Variants in PLEC observed in about 807,000 individuals in gnomAD.
The protein encoded by PLEC is hemidesmosomal protein 1.
A neutral mutation model predicts 392.8 loss-of-function variants in PLEC; 216 were observed. The observed-to-expected ratio is 0.55, with a 90% CI of 0.49 to 0.62. The LOEUF is 0.62. Ranked by LOEUF, PLEC falls within the 20% of genes least tolerant of loss-of-function variation. PLEC has a pLI of 0.00. For missense variants in PLEC, 6,863 were observed against 6,563.4 expected (o/e 1.05, Z -1.58); for synonymous variants, 3,621 against 2,980.6 (o/e 1.21, Z -7.00).
At chr8:143,954,059 G>T, upstream of PLEC, 1 of 616,148 alleles carries the variant, frequency 1.6e-6, no homozygotes, top group South Asian at 2.4e-5. This position sits in a 1 kb window ranked among gnomAD's most constrained non-coding sequence, Gnocchi z 4.6. Context: ...AGGAGCGCTC[G>T]GACGGCCCAC....
rs782005960 is a variant in PLEC, at chr8:143,927,038, G to A, written c.3884C>T (p.Pro1295Leu). 2.2e-5 allele frequency: 36 copies of A among 1,612,342 alleles called. No homozygotes were observed. Among genetic ancestry groups the A allele is most frequent in the Non-Finnish European group, 2.7e-5 (32 of 1,180,006 alleles). ...GGGCTTCTTGGCCGGGGAGGCCACCGGCTCAAGCTGCGCCTTGTACGTCAC... is the reference window on the plus strand; with the variant it reads ...GGGCTTCTTGGCCGGGGAGGCCACCAGCTCAAGCTGCGCCTTGTACGTCAC... ...QLVTYKAQLE[P>L]VASPAKKPKV... The change falls in exon 29 of 32, where the codon CCG becomes CTG. Residue 1295 changes from proline to leucine, a missense_variant. Transcript: ENST00000345136.
In PLEC at chr8:143,924,600, C is replaced by A. The variant is rs1394657236; in HGVS notation, c.5329G>T (p.Glu1777Ter). The change falls in exon 31 of 32, where the codon GAG becomes TAG. Residue 1777 changes from glutamate to a stop codon, truncating the protein, a stop_gained. Transcript: ENST00000345136. LOFTEE classifies it high-confidence loss of function. The part of the protein sequence containing the change: ...LLASKARAEE[E>*]SRSTSEKSKQ... ...GACTTCTCGCTGGTGGAGCGCGACTCCTCCTCAGCCCTCGCCTTGCTGGCC... is the reference window on the plus strand; with the variant it reads ...GACTTCTCGCTGGTGGAGCGCGACTACTCCTCAGCCCTCGCCTTGCTGGCC... 27 of 1,544,224 alleles carry A rather than the reference C, an allele frequency of 1.7e-5. No individual in the cohort carries two copies. Among genetic ancestry groups the A allele is most frequent in the Non-Finnish European group, 2.3e-5 (27 of 1,151,572 alleles).
chr8:143,927,050 G>C lies in PLEC; in HGVS notation c.3872C>G (p.Ala1291Gly). The C allele has an allele frequency of 6.2e-7, 1 of 1,611,986 alleles. No homozygotes were observed. Among genetic ancestry groups the C allele is most frequent in the Non-Finnish European group, 8.5e-7 (1 of 1,179,960 alleles). ...DYELQLVTYK[A>G]QLEPVASPAK... is the part of the protein sequence containing the mutation. Reference sequence around the variant, plus strand: ...CGGGGAGGCCACCGGCTCAAGCTGCGCCTTGTACGTCACCAGCTGGAGTTC... The same window carrying C: ...CGGGGAGGCCACCGGCTCAAGCTGCCCCTTGTACGTCACCAGCTGGAGTTC... The change falls in exon 29 of 32, where the codon GCG (alanine) becomes GGG (glycine). Residue 1291 changes from alanine to glycine, a missense_variant. Coordinates refer to ENST00000345136, the MANE Select transcript of PLEC (RefSeq NM_201384.3).
In PLEC at chr8:143,929,238, C is replaced by T. The variant is rs191154069; in HGVS notation, c.3125G>A (p.Arg1042Gln). ...EVEGLGKGVA[R>Q]LSAEAEKVLA... ...GACCTTCTCGGCCTCGGCAGAGAGC[C>T]GGGCGACCCCCTTGCCCAGCCCCTC... Residue 1042 changes from arginine to glutamine, a missense_variant, in exon 25 of 32, where the codon CGG becomes CAG. Physicochemically the swap from Arg to Gln is conservative, Grantham distance 43. Transcript: ENST00000345136. The T allele has an allele frequency of 2.6e-5, 42 of 1,602,230 alleles. No individual in the cohort carries two copies. Among genetic ancestry groups the T allele is most frequent in the Middle Eastern group, 3.3e-4 (2 of 6,056 alleles).
intron 1 of PLEC, among the ~76,000 whole-genome samples, chr8:143,948,221 G>A (rs1451426233): frequency 6.6e-6 from 1 of 152,236 alleles, no homozygotes; most frequent in Non-Finnish European, 1.5e-5. Context: ...AGCCAGGGCT[G>A]GGTGGAGAGG....
Position 143,934,110 on chromosome 8 carries a change from G to A in PLEC, c.1170-19C>T, listed in dbSNP as rs1486581688. The A allele has an allele frequency of 1.2e-6, 2 of 1,609,246 alleles. No homozygotes were observed. The highest frequency in any genetic ancestry group is 1.7e-6 in the Non-Finnish European group (2 of 1,178,286). Reference sequence around the variant, plus strand: ...CTCCAGCCTGCAGCAGCAGCACAGGGAAGGGGCCGCGTTGGCCGGGTCCGG... The same window carrying A: ...CTCCAGCCTGCAGCAGCAGCACAGGAAAGGGGCCGCGTTGGCCGGGTCCGG... On this transcript the variant is annotated intron_variant, in intron 11 of 31. Transcript: ENST00000345136.
At chr8:143,968,860 T>A (rs1833259596) in intron 1 of PLEC, among the ~76,000 whole-genome samples, 1 of 152,136 alleles carries the variant, frequency 6.6e-6, no homozygotes, top group East Asian at 1.9e-4. Flanking sequence ...TAACAAGTGT[T>A]GGTGAGGATG....
chr8:143,933,978 C>T lies in PLEC; in HGVS notation c.1263+20G>A. ...CCTCCGGCCTCCCTCCCGCCCACTG[C>T]CTGCCCCACACCCCCTCACCGACTG... On this transcript the variant is annotated intron_variant, in intron 12 of 31. Coordinates refer to ENST00000345136, the MANE Select transcript of PLEC (RefSeq NM_201384.3). The T allele has an allele frequency of 1.3e-6, 2 of 1,592,192 alleles. No individual in the cohort carries two copies. Among genetic ancestry groups the T allele is most frequent in the Non-Finnish European group, 1.7e-6 (2 of 1,171,666 alleles).
chr8:143,953,973 TC>T (rs1290103791), upstream of PLEC: 74 of 1,267,564 alleles, frequency 5.8e-5, 1 homozygote, highest in Middle Eastern at 2.9e-4. Flanking sequence ...CGCGCACCCC[TC>T]CCCCCCAGCC....
Position 143,917,982 on chromosome 8 carries a change from G to A in PLEC, c.11839C>T (p.Leu3947Phe), listed in dbSNP as rs781943720. Residue 3947 changes from leucine (L) to phenylalanine (F), a missense_variant, in exon 32 of 32, where the codon CTC becomes TTC. Transcript: ENST00000345136. ...TTCTTCATGGCCTGGTACACCGAGA[G>A]CCGTTCCTTGGTGGCGTCCACGAAG... ...GVFVDATKER[L>F]SVYQAMKKGI... 2.2e-5 allele frequency: 35 copies of A among 1,612,494 alleles called. No individual in the cohort carries two copies. The highest frequency in any genetic ancestry group is 2.6e-5 in the Non-Finnish European group (31 of 1,179,960).
chr8:143,923,370 C>G lies in PLEC; in HGVS notation c.6559G>C (p.Glu2187Gln). Reference sequence around the variant, plus strand: ...AGCTGCAGCCGCAGTGTTGTCAGCTCCTGCTCCACCTGCGCCTTCTGCCGC... The same window carrying G: ...AGCTGCAGCCGCAGTGTTGTCAGCTGCTGCTCCACCTGCGCCTTCTGCCGC... ...TLRQKAQVEQ[E>Q]LTTLRLQLEE... Residue 2187 changes from glutamate to glutamine, a missense_variant, in exon 31 of 32, where the codon GAG becomes CAG. Transcript: ENST00000345136. The G allele has an allele frequency of 6.2e-7, 1 of 1,610,454 alleles. No individual in the cohort carries two copies. The highest frequency in any genetic ancestry group is 8.5e-7 in the Non-Finnish European group (1 of 1,179,454).
At position 143,927,160 on chromosome 8, in the gene PLEC, T is replaced by C. The variant is rs1825508689; in HGVS notation, c.3841-79A>G. The C allele has an allele frequency of 5.1e-6, 8 of 1,567,710 alleles. No individual in the cohort carries two copies. The Admixed American group carries it at 1.2e-4, about 23-fold the overall frequency. On this transcript the variant is annotated intron_variant, in intron 28 of 31. Transcript: ENST00000345136. Reference sequence around the variant, plus strand: ...CCAGCCCCTAAACCCTCACATGGGCTTTCCCTGGCATGGCCCAGGCTCAGG... The same window carrying C: ...CCAGCCCCTAAACCCTCACATGGGCCTTCCCTGGCATGGCCCAGGCTCAGG...
upstream of PLEC, among the ~76,000 whole-genome samples, chr8:143,954,466 C>T (rs1564217761): frequency 6.6e-6 from 1 of 152,214 alleles, no homozygotes; most frequent in South Asian, 2.1e-4. The surrounding 1 kb of genome is among the most constrained non-coding windows in gnomAD (Gnocchi z 4.6). Context: ...GGCAGCCCCA[C>T]AGGTCCTCCT....
At chr8:143,964,481 C>A (rs984440152) in intron 1 of PLEC, among the ~76,000 whole-genome samples, 1 of 152,140 alleles carries the variant, frequency 6.6e-6, no homozygotes, top group African/African-American at 2.4e-5. Flanking sequence ...GATGCGGCCA[C>A]GAGCCCAGGC....
At chr8:143,926,619 C>T (rs1335798324) in intron 30 of PLEC, among the ~76,000 whole-genome samples, 165 bp downstream of exon 30, 1 of 152,108 alleles carries the variant, frequency 6.6e-6, no homozygotes, top group East Asian at 1.9e-4. Context: ...ACAGGTGGGG[C>T]AGCCTGGGGC....
intron 1 of PLEC, chr8:143,944,778 C>T: frequency 8.9e-7 from 1 of 1,126,214 alleles, no homozygotes; most frequent in Non-Finnish European, 1.1e-6. Context: ...GGGAGGAGGG[C>T]ACGGCCGTGC....
At chr8:143,946,421 G>A in intron 1 of PLEC, 2 of 1,285,702 alleles carry the variant, frequency 1.6e-6, no homozygotes, top group South Asian at 1.2e-5. Flanking sequence ...GCTGCTCCGA[G>A]AGCCGGCAGG....
intron 1 of PLEC, 23 bp downstream of exon 1, chr8:143,939,327 G>C (rs782323727): frequency 1.9e-6 from 3 of 1,602,304 alleles, no homozygotes; most frequent in South Asian, 2.2e-5. Context: ...CCTGGCGGGG[G>C]TGCCCGAGGG....
Position 143,918,960 on chromosome 8 carries a change from T to C in PLEC, c.10861A>G (p.Ile3621Val). 1.2e-6 allele frequency: 2 copies of C among 1,610,886 alleles called. No individual in the cohort carries two copies. The highest frequency in any genetic ancestry group is 1.1e-5 in the South Asian group (1 of 91,084). ...GTCTTCTCAATGATCTCGATGATGA[T>C]GATGATCATGCGTTCCTTGGTCACC... ...GRVTKERMIIIIIEIIEKTEI... is the reference protein window; with the variant it reads ...GRVTKERMIIVIIEIIEKTEI... The change falls in exon 32 of 32, where the codon ATC (isoleucine) becomes GTC (valine). Residue 3621 changes from isoleucine to valine, a missense_variant. Transcript: ENST00000345136.
Sources: gnomAD v4.1 joint callset for allele counts (sites outside exome capture counted in the v4.1 genomes callset) on GRCh38, gnomAD v4.1.1 for gene constraint, Gnocchi (gnomAD v3.1) non-coding constraint, MANE v1.5 for transcripts, NCBI Gene and HGNC (gene_info 2026-07-23, HGNC 2026-07-21) for gene names.